The following IKZF4 variants were observed in gnomAD, a reference collection of about 807,000 sequenced individuals.
IKZF4 encodes the protein zinc finger protein Eos.
IKZF4 carries 11 observed loss-of-function variants against 47.7 expected under a neutral mutation model. The observed-to-expected ratio is 0.23, with a 90% confidence interval of 0.15 to 0.38. The LOEUF (loss-of-function observed/expected upper bound fraction) is 0.38. Among genes scored for constraint, IKZF4 ranks in the 10% least tolerant of loss-of-function variants. The pLI, the probability that IKZF4 is intolerant of heterozygous loss-of-function variation, is 1.00. For missense variants in IKZF4, 557 were observed against 784.9 expected (o/e 0.71, Z 3.47); for synonymous variants, 298 against 299.4 (o/e 1.00, Z 0.05).
At chr12:56,025,795 G>T (rs1893874626) in intron 3 of IKZF4, among the ~76,000 whole-genome samples, 1 of 152,094 alleles carries the variant, frequency 6.6e-6, no homozygotes, top group Non-Finnish European at 1.5e-5. Flanking sequence ...AGTCTTCCTA[G>T]ATCTGTTTTC....
chr12:56,020,118 G>A (rs1225828341), upstream of IKZF4, among the ~76,000 whole-genome samples: 2 of 152,242 alleles, frequency 1.3e-5, no homozygotes, highest in African/African-American at 4.8e-5. Context: ...CACACTGCGG[G>A]CCTCCACAGG....
At chr12:56,029,551 C>T (rs1302562557) in intron 5 of IKZF4, 1 of 152,196 alleles carries the variant, frequency 6.6e-6, no homozygotes, top group Admixed American at 6.5e-5. Context: ...ATTTCATCAC[C>T]CTCTACTTTC....
chr12:56,012,194 T>C (rs1337316135), intron 2 of IKZF4, among the ~76,000 whole-genome samples: 1 of 152,078 alleles, frequency 6.6e-6, no homozygotes, highest in African/African-American at 2.4e-5. Context: ...CCATTCTCTC[T>C]ACCTTCACCA....
upstream of IKZF4, chr12:56,019,324 C>T (rs1892548104): frequency 1.0e-6 from 1 of 981,360 alleles, no homozygotes; most frequent in Non-Finnish European, 1.2e-6. Context: ...AAAGTAGGAC[C>T]AATGAAGGAA....
chr12:56,022,656 C>A (rs1893219136), intron 1 of IKZF4, among the ~76,000 whole-genome samples: 2 of 152,126 alleles, frequency 1.3e-5, no homozygotes, highest in South Asian at 2.1e-4. Context: ...TAGACTTGAT[C>A]CTGTTTTTCC....
At position 56,026,765 on chromosome 12, in the gene IKZF4, C is replaced by A; in HGVS notation, c.287-16C>A. 1 of 1,529,848 alleles carries A rather than the reference C, an allele frequency of 6.5e-7. No individual in the cohort carries two copies. Among genetic ancestry groups the A allele is most frequent in the Non-Finnish European group, 8.8e-7 (1 of 1,135,446 alleles). 94.8% of individuals were successfully genotyped at this position (1,529,848 alleles called of 1,614,324 possible). On this transcript the variant is annotated splice_polypyrimidine_tract_variant and intron_variant, in intron 3 of 7. Transcript: ENST00000547167. ...CCTTTGCCTCTCTCTATTCTAAACA[C>A]CATCCCACCCCTCAGCCAACTCCAT...
chr12:56,036,666 C>T lies in IKZF4; in HGVS notation c.*1335C>T, dbSNP rs1895658643. On this transcript the variant is annotated 3_prime_UTR_variant, in exon 8 of 8. Transcript: ENST00000547167. ...GGGATGGGTACAACTGAACTGGGGT[C>T]TTCCTTTACTACCCCCTTCTACACT... The T allele has an allele frequency of 6.6e-6, 1 of 152,210 alleles. No individual in the cohort carries two copies. The highest frequency in any genetic ancestry group is 1.5e-5 in the Non-Finnish European group (1 of 68,038). 9.4% of individuals were successfully genotyped at this position (152,210 alleles called of 1,614,324 possible). A position where few individuals can be genotyped will look rare whatever the true frequency, so the allele number is the denominator to read the frequency against.
rs67296911 is a variant in IKZF4, at chr12:56,021,688, C to CTGTGTGTGTG, written c.87+142_87+151dup. The CTGTGTGTGTG allele has an allele frequency of 2.3e-3, 1,519 of 658,590 alleles. 2 individuals carry two copies. The highest frequency in any genetic ancestry group is 6.2e-3 in the Middle Eastern group (16 of 2,564). 40.8% of individuals were successfully genotyped at this position (658,590 alleles called of 1,614,324 possible). A position where few individuals can be genotyped will look rare whatever the true frequency, so the allele number is the denominator to read the frequency against. On this transcript the variant is annotated intron_variant, in intron 1 of 7. Transcript: ENST00000547167. ...CCTGAGGAGATGGAGAGGATGGGGG[C>CTGTGTGTGTG]TGTGTGTGTGTGTGTGTGTGTGTGT... is the stretch of plus-strand genomic sequence containing the variant.
chr12:56,023,547 G>A, intron 1 of IKZF4, 124 bp from the exon 2 acceptor site: 2 of 1,164,156 alleles, frequency 1.7e-6, no homozygotes, highest in Non-Finnish European at 2.4e-6. Flanking sequence ...TTTTTCTATA[G>A]ATAGTGAACA....
intron 3 of IKZF4, among the ~76,000 whole-genome samples, chr12:56,025,639 G>A (rs1339853381): frequency 6.6e-6 from 1 of 152,074 alleles, no homozygotes; most frequent in African/African-American, 2.4e-5. Flanking sequence ...TCTCCTCAAT[G>A]GTTCCTCCTT....
chr12:56,014,620 T>G (rs1891770989), intron 2 of IKZF4, among the ~76,000 whole-genome samples: 1 of 152,054 alleles, frequency 6.6e-6, no homozygotes, highest in South Asian at 2.1e-4. Context: ...AAGGAAAAGA[T>G]GACTTACCTG....
At chr12:56,034,482 G>A in intron 7 of IKZF4, 89 bp from the exon 8 acceptor site, 2 of 1,348,174 alleles carry the variant, frequency 1.5e-6, no homozygotes, top group East Asian at 4.6e-5. Flanking sequence ...GTTACACCCA[G>A]CCCCACAGGT....
At chr12:56,007,907 G>A (rs1565804628) in intron 1 of IKZF4, among the ~76,000 whole-genome samples, 1 of 152,114 alleles carries the variant, frequency 6.6e-6, no homozygotes, top group Non-Finnish European at 1.5e-5. Context: ...AAGATGGCCG[G>A]GGGAGTTTGG....
intron 1 of IKZF4, chr12:56,021,859 G>C (rs2136628437): frequency 2.0e-6 from 1 of 510,760 alleles, no homozygotes; most frequent in East Asian, 3.4e-5. Flanking sequence ...CTTGGGGATA[G>C]AGGTAGAGCT....
At chr12:56,014,519 A>C (rs1164230447) in intron 2 of IKZF4, among the ~76,000 whole-genome samples, 1 of 152,096 alleles carries the variant, frequency 6.6e-6, no homozygotes, top group African/African-American at 2.4e-5. Flanking sequence ...CACACACACA[A>C]AATAATATGA....
At chr12:56,014,134 T>G (rs1489628371) in intron 2 of IKZF4, among the ~76,000 whole-genome samples, 2 of 138,858 alleles carry the variant, frequency 1.4e-5, no homozygotes, top group Non-Finnish European at 3.1e-5. Context: ...CCAGCCTGAG[T>G]GACAGATCGA....
Position 56,025,150 on chromosome 12 carries a change from C to T in IKZF4, c.278C>T (p.Ser93Leu), listed in dbSNP as rs1263432025. Residue 93 changes from serine to leucine, a missense_variant, in exon 3 of 8, where the codon TCA becomes TTA. Transcript: ENST00000547167. ...AGCCAGCACTCTTCTCCTAGCCGCTCACTCAGTGGTAAGTGTAACCTCCTA... is the reference window on the plus strand; with the variant it reads ...AGCCAGCACTCTTCTCCTAGCCGCTTACTCAGTGGTAAGTGTAACCTCCTA... ...PNSQHSSPSR[S>L]LSANSIKVEM... is the part of the protein sequence containing the mutation. The T allele has an allele frequency of 1.9e-6, 3 of 1,591,214 alleles. No individual in the cohort carries two copies. The highest frequency in any genetic ancestry group is 2.6e-6 in the Non-Finnish European group (3 of 1,170,198).
At chr12:56,034,514 T>C in intron 7 of IKZF4, 57 bp from the exon 8 acceptor site, 1 of 1,506,488 alleles carries the variant, frequency 6.6e-7, no homozygotes, top group Non-Finnish European at 8.9e-7. Context: ...GAAGTAATCC[T>C]GAGGAGAGTG....
chr12:56,021,268 T>A lies in IKZF4; in HGVS notation c.-226T>A. On this transcript the variant is annotated 5_prime_UTR_variant, in exon 1 of 8. Transcript: ENST00000547167. The stretch of plus-strand genomic sequence containing the variant: ...ATCCAAGCGTGCTCTCCCCTCTCCT[T>A]CTCTCCCTCTCTCTCTCTCTCTCTC... The A allele has an allele frequency of 7.2e-7, 1 of 1,387,128 alleles. No homozygotes were observed. Among genetic ancestry groups the A allele is most frequent in the Non-Finnish European group, 9.3e-7 (1 of 1,069,772 alleles). 85.9% of individuals were successfully genotyped at this position (1,387,128 alleles called of 1,614,324 possible). A position where few individuals can be genotyped will look rare whatever the true frequency, so the allele number is the denominator to read the frequency against.
Sources: allele counts gnomAD v4.1 joint callset (sites outside exome capture counted in the v4.1 genomes callset), GRCh38; gene constraint gnomAD v4.1.1; transcripts MANE v1.5; gene names NCBI Gene and HGNC (gene_info 2026-07-23, HGNC 2026-07-21).